MDM2: variants seen among roughly 807,000 people sequenced by gnomAD.
MDM2 encodes the protein E3 ubiquitin-protein ligase Mdm2.
Under a neutral mutation model 64.3 loss-of-function variants are expected in MDM2, and 11 were observed. That is an observed-to-expected ratio of 0.17 (90% confidence interval 0.11 to 0.28). The LOEUF is 0.28. MDM2 is among the 10% of genes least tolerant of loss of function. The probability of loss-of-function intolerance (pLI) is 1.00; values close to 1 mark genes in which losing one functional copy is unlikely to be tolerated. For missense variants in MDM2, 388 were observed against 577.1 expected, an observed-to-expected ratio of 0.67 and a Z score of 3.36; for synonymous variants, 194 against 192.9, an observed-to-expected ratio of 1.01 and a Z score of -0.05.
At chr12:68,812,893 T>A (rs1017517998) in intron 2 of MDM2, among the ~76,000 whole-genome samples, 3 of 152,200 alleles carry the variant, frequency 2.0e-5, no homozygotes, top group African/African-American at 7.2e-5. Flanking sequence ...CAGAAAAAAA[T>A]TGACCCCTAA....
intron 2 of MDM2, among the ~76,000 whole-genome samples, chr12:68,811,333 T>C (rs1880870610): frequency 6.6e-6 from 1 of 152,188 alleles, no homozygotes; most frequent in Admixed American, 6.5e-5. Flanking sequence ...TGTTGTCTTT[T>C]CCCCATTGAG....
At position 68,844,626 on chromosome 12, in the gene MDM2, G is replaced by T; in HGVS notation, c.*4777G>T. On this transcript the variant is annotated 3_prime_UTR_variant, in exon 11 of 11. Coordinates refer to ENST00000258149, the MANE Select transcript of MDM2 (RefSeq NM_002392.6). ...ACCAAGCTGGGAACCTCTTGATTGTGAGGCACAAATGTAAGTACATCAGAA... is the reference window on the plus strand; with the variant it reads ...ACCAAGCTGGGAACCTCTTGATTGTTAGGCACAAATGTAAGTACATCAGAA... The T allele has an allele frequency of 4.4e-6, 1 of 228,034 alleles. No individual in the cohort carries two copies. The allele number at this position is 228,034 out of a possible 1,614,324, so 14.1% of individuals were successfully genotyped here.
chr12:68,828,996 A>G (rs1045442034), intron 8 of MDM2, 65 bp downstream of exon 8: 4 of 1,484,404 alleles, frequency 2.7e-6, no homozygotes, highest in Non-Finnish European at 3.7e-6. Context: ...GGCAGTCCTA[A>G]TAAGGATACG....
rs1884023015 is a variant in MDM2, at chr12:68,843,803, A to T, written c.*3954A>T. ...ATTTGGAGTTGATAATACTTCAGCT[A>T]CAACCAAGCAGAATCTCTTTTTTTT... On this transcript the variant is annotated 3_prime_UTR_variant, in exon 11 of 11. Transcript: ENST00000258149. 1 of 221,142 alleles carries T rather than the reference A, an allele frequency of 4.5e-6. No individual in the cohort carries two copies. The allele number at this position is 221,142 out of a possible 1,614,324, so 13.7% of individuals were successfully genotyped here. A position where few individuals can be genotyped will look rare whatever the true frequency, so the allele number is the denominator to read the frequency against.
chr12:68,812,766 T>C (rs1228333552), intron 2 of MDM2, among the ~76,000 whole-genome samples: 1 of 152,174 alleles, frequency 6.6e-6, no homozygotes, highest in Non-Finnish European at 1.5e-5. Context: ...TTTCTTTCTG[T>C]AAGGAAAATT....
chr12:68,843,698 AC>A lies in MDM2; in HGVS notation c.*3850del. On this transcript the variant is annotated 3_prime_UTR_variant, in exon 11 of 11. Coordinates refer to ENST00000258149, the MANE Select transcript of MDM2 (RefSeq NM_002392.6). ...ACTAATGGTACATTGTTGCTTCAAA[AC>A]TCTCTCTCTCTCTCTCTGTCTGTCT... The A allele has an allele frequency of 9.3e-6, 2 of 214,946 alleles. No individual in the cohort carries two copies. Among genetic ancestry groups the A allele is most frequent in the Admixed American group, 5.9e-5 (1 of 16,946 alleles). 13.3% of individuals were successfully genotyped at this position (214,946 alleles called of 1,614,324 possible).
At chr12:68,828,999 A>G in intron 8 of MDM2, 68 bp downstream of exon 8, 1 of 1,463,708 alleles carries the variant, frequency 6.8e-7, no homozygotes, top group Non-Finnish European at 9.5e-7. Context: ...AGTCCTAATA[A>G]GGATACGGAT....
chr12:68,808,573 C>G, intron 1 of MDM2, 82 bp downstream of exon 1: 3 of 1,591,156 alleles, frequency 1.9e-6, no homozygotes, highest in Non-Finnish European at 2.6e-6. Context: ...AGCCTCTGCC[C>G]GTTCGCAGCC....
intron 2 of MDM2, among the ~76,000 whole-genome samples, chr12:68,812,102 A>G (rs1592568461): frequency 6.6e-6 from 1 of 152,322 alleles, no homozygotes; most frequent in East Asian, 1.9e-4. Context: ...AATATAGCAT[A>G]TAATAAAAAT....
chr12:68,811,795 T>C (rs950320078), intron 2 of MDM2, among the ~76,000 whole-genome samples: 1 of 152,044 alleles, frequency 6.6e-6, no homozygotes, highest in African/African-American at 2.4e-5. Flanking sequence ...AGAGATAGGG[T>C]TTCACCATGT....
chr12:68,824,334 A>G, intron 5 of MDM2, 29 bp from the exon 6 acceptor site: 1 of 1,601,982 alleles, frequency 6.2e-7, no homozygotes. Flanking sequence ...CCCACCACCA[A>G]GTTTCTGATC....
rs187646413 is a variant in MDM2 at position 68,845,337 on chromosome 12, A to G, written c.*5488A>G. ...ATTTACAAATAATACTTTGAGGTAG[A>G]TATCTGAAAGCACCAGCACTTGGAA... On this transcript the variant is annotated 3_prime_UTR_variant, in exon 11 of 11. Transcript: ENST00000258149. 9 of 212,326 alleles carry G rather than the reference A, an allele frequency of 4.2e-5. No individual in the cohort carries two copies. The highest frequency in any genetic ancestry group is 7.6e-5 in the Non-Finnish European group (8 of 104,942). The allele number at this position is 212,326 out of a possible 1,614,324, so 13.2% of individuals were successfully genotyped here.
chr12:68,808,265 C>T lies in MDM2; in HGVS notation c.-213C>T, dbSNP rs1270021408. On this transcript the variant is annotated 5_prime_UTR_variant, in exon 1 of 11. Coordinates refer to ENST00000258149, the MANE Select transcript of MDM2 (RefSeq NM_002392.6). ...CGGAAAGATGGAGCAAGAAGCCGAG[C>T]CCGAGGGGCGGCCGCGACCCCTCTG... is the stretch of plus-strand genomic sequence containing the variant. 12 of 608,212 alleles carry T rather than the reference C, an allele frequency of 2.0e-5. No homozygotes were observed. Among genetic ancestry groups the T allele is most frequent in the Admixed American group, 1.2e-4 (4 of 34,052 alleles). The allele number at this position is 608,212 out of a possible 1,614,324, so 37.7% of individuals were successfully genotyped here. A position where few individuals can be genotyped will look rare whatever the true frequency, so the allele number is the denominator to read the frequency against.
At chr12:68,836,375 A>G (rs368895100) in intron 9 of MDM2, among the ~76,000 whole-genome samples, 1 of 152,186 alleles carries the variant, frequency 6.6e-6, no homozygotes, top group Non-Finnish European at 1.5e-5. Context: ...TAACATTTCT[A>G]GCTATTTCCC....
At chr12:68,831,800 G>A (rs1026155730) in intron 8 of MDM2, among the ~76,000 whole-genome samples, 3 of 152,184 alleles carry the variant, frequency 2.0e-5, no homozygotes, top group South Asian at 2.1e-4. Flanking sequence ...GGGCGTGGTG[G>A]CTCATGCCTG....
Position 68,828,887 on chromosome 12 carries a change from G to A in MDM2, c.640G>A (p.Glu214Lys), listed in dbSNP as rs2136149078. 1 of 1,614,052 alleles carries A rather than the reference G, an allele frequency of 6.2e-7. No homozygotes were observed. ...GTGTGTAATAAGGGAGATATGTTGTGAAAGAAGCAGTAGCAGTGAATCTAC... is the reference window on the plus strand; with the variant it reads ...GTGTGTAATAAGGGAGATATGTTGTAAAAGAAGCAGTAGCAGTGAATCTAC... ...ALCVIREICC[E>K]RSSSSESTGT... Residue 214 changes from glutamate (E) to lysine (K), a missense_variant, in exon 8 of 11, where the codon GAA (glutamate) becomes AAA (lysine). Around this residue, in one of 5 missense-constraint regions of MDM2, gnomAD observed 168 missense variants for 236.6 expected, o/e 0.71. Transcript: ENST00000258149.
chr12:68,815,066 A>G (rs1565733701), intron 3 of MDM2, among the ~76,000 whole-genome samples: 1 of 152,330 alleles, frequency 6.6e-6, no homozygotes, highest in East Asian at 1.9e-4. Context: ...TCACATAAGA[A>G]TATTCCTTTA....
At chr12:68,825,646 T>C (rs1389721493) in intron 7 of MDM2, among the ~76,000 whole-genome samples, 1 of 148,812 alleles carries the variant, frequency 6.7e-6, no homozygotes, top group Non-Finnish European at 1.5e-5. Context: ...AGTGAGACTG[T>C]CTAAAAAAAA....
rs1242705594 is a variant in MDM2 at position 68,842,177 on chromosome 12, T to A, written c.*2328T>A. 4.1e-6 allele frequency: 2 copies of A among 490,160 alleles called. No homozygotes were observed. The highest frequency in any genetic ancestry group is 9.1e-5 in the East Asian group (2 of 21,952). 30.4% of individuals were successfully genotyped at this position (490,160 alleles called of 1,614,324 possible). A position where few individuals can be genotyped will look rare whatever the true frequency, so the allele number is the denominator to read the frequency against. ...ATCTGCAAGAACTATGGAATAAAAC[T>A]ACTGATGCAGTGAAGACAGTTGAAA... On this transcript the variant is annotated 3_prime_UTR_variant, in exon 11 of 11. Transcript: ENST00000258149.
Sources: allele counts gnomAD v4.1 joint callset (sites outside exome capture counted in the v4.1 genomes callset), GRCh38; gene constraint gnomAD v4.1.1; regional missense constraint gnomAD v4.1.1; transcripts MANE v1.5; gene names NCBI Gene and HGNC (gene_info 2026-07-23, HGNC 2026-07-21).